The following CHRNA1 variants were observed in gnomAD, a reference collection of about 807,000 sequenced individuals.
CHRNA1 encodes the protein cholinergic receptor nicotinic alpha 1 subunit, also known as acetylcholine receptor subunit alpha.
In CHRNA1, 35 loss-of-function variants were observed where a neutral mutation model predicts 47.1. That is an observed-to-expected ratio of 0.74 (90% confidence interval 0.57 to 0.99). CHRNA1 has a LOEUF of 0.99. Ranked by LOEUF, CHRNA1 falls within the 50% of genes least tolerant of loss-of-function variation. CHRNA1 has a pLI of 0.00. For missense variants in CHRNA1, 506 were observed against 591.1 expected, an observed-to-expected ratio of 0.86 and a Z score of 1.49; for synonymous variants, 229 against 223.6, an observed-to-expected ratio of 1.02 and a Z score of -0.22.
At chr2:174,754,764 C>T (rs923198450) in intron 4 of CHRNA1, among the ~76,000 whole-genome samples, 1 of 151,826 alleles carries the variant, frequency 6.6e-6, no homozygotes, top group African/African-American at 2.4e-5. Flanking sequence ...TAATGTTAAT[C>T]TTCATCTATC....
At chr2:174,759,411 G>C (rs374967307) in intron 2 of CHRNA1, 36 bp from the exon 3 acceptor site, 4 of 1,613,834 alleles carry the variant, frequency 2.5e-6, no homozygotes, top group Non-Finnish European at 3.4e-6. Flanking sequence ...TTATGGGGGA[G>C]AGAGGGGACC....
At chr2:174,753,763 G>C in intron 5 of CHRNA1, 23 bp from the exon 6 acceptor site, 1 of 1,611,866 alleles carries the variant, frequency 6.2e-7, no homozygotes, top group Non-Finnish European at 8.5e-7. Context: ...GTGAGGTTTG[G>C]AAATCCCAGG....
chr2:174,763,427 C>T (rs1204820099), intron 1 of CHRNA1, among the ~76,000 whole-genome samples: 1 of 152,152 alleles, frequency 6.6e-6, no homozygotes, highest in Non-Finnish European at 1.5e-5. Context: ...TAGGCTCTTT[C>T]ACTCAACTCT....
chr2:174,759,618 C>T lies in CHRNA1; in HGVS notation c.59G>A (p.Gly20Asp). 1 of 1,613,604 alleles carries T rather than the reference C, an allele frequency of 6.2e-7. No homozygotes were observed. Among genetic ancestry groups the T allele is most frequent in the Non-Finnish European group, 8.5e-7 (1 of 1,179,960 alleles). The change falls in exon 2 of 9, where the codon GGC (glycine) becomes GAC (aspartate). Residue 20 changes from glycine (G) to aspartate (D), a missense_variant. Transcript: ENST00000348749. ...CACCAGACGGGTCTCATGTTCGGAG[C>T]CCAGGACGAGGCCAGCTGAGACAGC... ...FSLCSAGLVL[G>D]SEHETRLVAK...
At chr2:174,763,322 A>ATG (rs986553570) in intron 1 of CHRNA1, among the ~76,000 whole-genome samples, 4 of 47,240 alleles carry the variant, frequency 8.5e-5, no homozygotes, top group African/African-American at 1.4e-4. Context: ...ATGTGTGTGC[A>ATG]CGCGCGCGCA....
At chr2:174,757,466 A>G in intron 4 of CHRNA1, 100 bp downstream of exon 4, 1 of 843,394 alleles carries the variant, frequency 1.2e-6, no homozygotes, top group Non-Finnish European at 2.0e-6. Context: ...ATTTAACATT[A>G]GCAGTGGTGA....
chr2:174,751,830 C>T (rs1490031766), intron 6 of CHRNA1, among the ~76,000 whole-genome samples: 1 of 151,840 alleles, frequency 6.6e-6, no homozygotes, highest in African/African-American at 2.4e-5. Context: ...AGGCACGTGC[C>T]ACCACACCTG....
chr2:174,754,220 G>A lies in CHRNA1; in HGVS notation c.539C>T (p.Pro180Leu), dbSNP rs373561258. ...TTATCATATGTGGCCACCACCTACC[G>A]GGTTGATGGCCACGACAGAGCCGTC... ...TYDGSVVAIN[P>L]ESDQPDLSNF... Residue 180 changes from proline (P) to leucine (L), a missense_variant and splice_region_variant, in exon 5 of 9, where the codon CCG becomes CTG. Physicochemically the swap from Pro to Leu is moderately conservative, Grantham distance 98. Coordinates refer to ENST00000348749, the MANE Select transcript of CHRNA1 (RefSeq NM_000079.4). The A allele has an allele frequency of 2.2e-5, 36 of 1,612,962 alleles. No individual in the cohort carries two copies. Among genetic ancestry groups the A allele is most frequent in the Admixed American group, 5.0e-5 (3 of 59,994 alleles).
rs147062047 is a variant in CHRNA1 at position 174,752,088 on chromosome 2, G to A, written c.778+1415C>T. Among the ~76,000 whole-genome samples, 602 of 152,160 alleles carry A rather than the reference G, an allele frequency of 4.0e-3. 5 individuals carry two copies. The highest frequency in any genetic ancestry group is 6.8e-3 in the Middle Eastern group (2 of 294). On this transcript the variant is annotated intron_variant, in intron 6 of 8. Coordinates refer to ENST00000348749, the MANE Select transcript of CHRNA1 (RefSeq NM_000079.4). ...TTAAAAAGTTTCATTTGAGGGCCTG[G>A]TGCGGTGGATCATGCCTGTAATCCT...
chr2:174,762,784 C>A (rs1684122655), intron 1 of CHRNA1, among the ~76,000 whole-genome samples: 1 of 152,204 alleles, frequency 6.6e-6, no homozygotes, highest in African/African-American at 2.4e-5. Flanking sequence ...AGGACTGATT[C>A]TAAGAAGGGA....
chr2:174,748,181 G>A lies in CHRNA1; in HGVS notation c.1317C>T (p.Ile439=), dbSNP rs761586014. The change falls in exon 9 of 9, where the codon ATC becomes ATT. Residue 439 remains isoleucine, a synonymous_variant. Transcript: ENST00000348749. ...ILLGVFMLVC[I]IGTLAVFAGR... Reference sequence around the variant, plus strand: ...CTGCAAACACGGCTAGGGTTCCGATGATGCAAACAAGCATGAAGACTCCGA... The same window carrying A: ...CTGCAAACACGGCTAGGGTTCCGATAATGCAAACAAGCATGAAGACTCCGA... 2 of 1,614,010 alleles carry A rather than the reference G, an allele frequency of 1.2e-6. No individual in the cohort carries two copies. The highest frequency in any genetic ancestry group is 2.2e-5 in the East Asian group (1 of 44,890).
chr2:174,764,242 G>A, intron 1 of CHRNA1, 110 bp downstream of exon 1: 2 of 1,121,746 alleles, frequency 1.8e-6, no homozygotes, highest in Non-Finnish European at 2.6e-6. Flanking sequence ...TGGTTGGGGA[G>A]GCTCTGCCAT....
intron 4 of CHRNA1, among the ~76,000 whole-genome samples, chr2:174,755,892 C>T (rs1003378206): frequency 1.3e-5 from 2 of 151,946 alleles, no homozygotes; most frequent in South Asian, 4.2e-4. Context: ...TAAAAATTAG[C>T]GAGGCATGGT....
Position 174,748,971 on chromosome 2 carries a change from A to T in CHRNA1, c.1003-152T>A. On this transcript the variant is annotated intron_variant, in intron 7 of 8. Coordinates refer to ENST00000348749, the MANE Select transcript of CHRNA1 (RefSeq NM_000079.4). The stretch of plus-strand genomic sequence containing the variant: ...CCTTAAAACAAAAGAACTATACTAG[A>T]TTTTTTCAAAGATCCCTCTGTATCC... 4 of 1,029,544 alleles carry T rather than the reference A, an allele frequency of 3.9e-6. No individual in the cohort carries two copies. The East Asian group carries it at 1.0e-4, about 27-fold the overall frequency. The allele number at this position is 1,029,544 out of a possible 1,614,324, so 63.8% of individuals were successfully genotyped here.
intron 3 of CHRNA1, 36 bp downstream of exon 3, chr2:174,759,295 G>T: frequency 6.2e-7 from 1 of 1,610,152 alleles, no homozygotes; most frequent in Non-Finnish European, 8.5e-7. Flanking sequence ...CAGTGTGAAT[G>T]AAAACGACAC....
chr2:174,753,654 G>A lies in CHRNA1; in HGVS notation c.627C>T (p.Thr209=). The A allele has an allele frequency of 6.2e-7, 1 of 1,614,138 alleles. No homozygotes were observed. The change falls in exon 6 of 9, where the codon ACC becomes ACT. Residue 209 remains threonine, a synonymous_variant. Transcript: ENST00000348749. ...KESRGWKHSV[T]YSCCPDTPYL... The stretch of plus-strand genomic sequence containing the variant: ...AGGGGGTGTCGGGGCAGCAGGAATA[G>A]GTCACGGAGTGCTTCCAGCCCCGGG...
At chr2:174,760,969 C>T (rs1035367278) in intron 1 of CHRNA1, among the ~76,000 whole-genome samples, 3 of 152,108 alleles carry the variant, frequency 2.0e-5, no homozygotes, top group African/African-American at 7.2e-5. Context: ...ACAGATGAAG[C>T]AGGAGGGCAG....
intron 4 of CHRNA1, among the ~76,000 whole-genome samples, chr2:174,756,704 T>A (rs1683986099): frequency 6.6e-6 from 1 of 152,182 alleles, no homozygotes; most frequent in Non-Finnish European, 1.5e-5. Context: ...TATAATTGGA[T>A]GACGTGTGGC....
At chr2:174,761,668 C>T (rs1001734101) in intron 1 of CHRNA1, among the ~76,000 whole-genome samples, 2 of 152,172 alleles carry the variant, frequency 1.3e-5, no homozygotes, top group African/African-American at 4.8e-5. Flanking sequence ...AGTGCCCAAC[C>T]ACGCAGAGAT....
Sources: allele counts gnomAD v4.1 joint callset (sites outside exome capture counted in the v4.1 genomes callset), GRCh38; gene constraint gnomAD v4.1.1; transcripts MANE v1.5; gene names NCBI Gene and HGNC (gene_info 2026-07-23, HGNC 2026-07-21).